INTS4: variants seen among roughly 807,000 people sequenced by gnomAD.
The protein encoded by INTS4 is MSTP093.
In INTS4, 70 loss-of-function variants were observed where a neutral mutation model predicts 119.5. The ratio of observed to expected loss-of-function variants is 0.59; its 90% confidence interval spans 0.48 to 0.71. INTS4 has a LOEUF of 0.71. INTS4 is among the 30% of genes least tolerant of loss of function. The probability of loss-of-function intolerance (pLI) is 0.00; values close to 1 mark genes in which losing one functional copy is unlikely to be tolerated. For synonymous variants in INTS4, 316 were observed against 419.6 expected (o/e 0.75, Z 3.02); for missense variants, 867 against 1,173.2 (o/e 0.74, Z 3.81).
intron 8 of INTS4, among the ~76,000 whole-genome samples, chr11:77,954,033 C>T (rs950330569): frequency 1.3e-5 from 2 of 151,540 alleles, no homozygotes; most frequent in Admixed American, 6.6e-5. Flanking sequence ...AGGATGGTCT[C>T]GATCTCTTGA....
chr11:77,878,498 G>C (rs1385639075), downstream of INTS4, among the ~76,000 whole-genome samples: 2 of 152,044 alleles, frequency 1.3e-5, no homozygotes, highest in Non-Finnish European at 2.9e-5. Context: ...TTCAGCAACT[G>C]TCAATGGTAA....
chr11:77,931,258 G>C (rs1953641838), intron 10 of INTS4, among the ~76,000 whole-genome samples: 1 of 152,190 alleles, frequency 6.6e-6, no homozygotes, highest in African/African-American at 2.4e-5. Flanking sequence ...CAAAAAGGAG[G>C]GAGAAGATGG....
At position 77,891,580 on chromosome 11, in the gene INTS4, C is replaced by T. The variant is rs569970123; in HGVS notation, c.2448+101G>A. 13 of 1,565,122 alleles carry T rather than the reference C, an allele frequency of 8.3e-6. No homozygotes were observed. In the South Asian group the frequency reaches 9.4e-5, roughly 11 times the overall value. Reference sequence around the variant, plus strand: ...GGCATGTGGGAGCCACTCAGAGGAACAGCCTAGCCCAGCTGCTCCACTGGT... The same window carrying T: ...GGCATGTGGGAGCCACTCAGAGGAATAGCCTAGCCCAGCTGCTCCACTGGT... On this transcript the variant is annotated intron_variant, in intron 20 of 22. Coordinates refer to ENST00000534064, the MANE Select transcript of INTS4 (RefSeq NM_033547.4).
At chr11:77,977,605 T>A (rs944384400) in intron 4 of INTS4, among the ~76,000 whole-genome samples, 3 of 151,714 alleles carry the variant, frequency 2.0e-5, no homozygotes, top group African/African-American at 7.2e-5. Flanking sequence ...GGTACTGAAT[T>A]ATGAATGCAT....
intron 22 of INTS4, among the ~76,000 whole-genome samples, chr11:77,880,364 A>G (rs898723843): frequency 6.6e-6 from 1 of 152,168 alleles, no homozygotes; most frequent in African/African-American, 2.4e-5. Flanking sequence ...CAGTCAGCCC[A>G]AGGCCAGAGC....
intron 6 of INTS4, among the ~76,000 whole-genome samples, 192 bp downstream of exon 6, chr11:77,960,149 G>A (rs532733148): frequency 6.6e-6 from 1 of 151,926 alleles, no homozygotes; most frequent in Non-Finnish European, 1.5e-5. Context: ...ATGTACTAGC[G>A]CTATTTAATT....
At chr11:77,968,024 T>C (rs1055958165) in intron 4 of INTS4, among the ~76,000 whole-genome samples, 1 of 152,200 alleles carries the variant, frequency 6.6e-6, no homozygotes, top group African/African-American at 2.4e-5. Context: ...TCCTAGGCTA[T>C]AAACCTGTAC....
intron 18 of INTS4, among the ~76,000 whole-genome samples, chr11:77,898,445 AG>A (rs1412413908): frequency 6.6e-6 from 1 of 152,206 alleles, no homozygotes; most frequent in African/African-American, 2.4e-5. Flanking sequence ...TACAGGCGTG[AG>A]CCACTGCGCC....
chr11:77,913,406 G>A (rs960979264), intron 15 of INTS4, among the ~76,000 whole-genome samples: 58 of 149,644 alleles, frequency 3.9e-4, no homozygotes, highest in African/African-American at 5.7e-4. Context: ...CTGCCTCCCA[G>A]GTTCGCACCA....
At chr11:77,980,405 C>T (rs999113549) in intron 3 of INTS4, among the ~76,000 whole-genome samples, 2 of 152,028 alleles carry the variant, frequency 1.3e-5, no homozygotes, top group Non-Finnish European at 2.9e-5. Context: ...TTTGAGACAG[C>T]GTCTCGCTCT....
At chr11:77,955,509 T>C (rs1954296742) in intron 8 of INTS4, among the ~76,000 whole-genome samples, 1 of 151,768 alleles carries the variant, frequency 6.6e-6, no homozygotes, top group Admixed American at 6.6e-5. Context: ...TTTTTTTTTT[T>C]TTTGAGATGA....
chr11:77,985,083 A>C (rs1482747701), intron 2 of INTS4, among the ~76,000 whole-genome samples: 5 of 152,176 alleles, frequency 3.3e-5, no homozygotes, highest in Non-Finnish European at 5.9e-5. Context: ...AATTACCTCC[A>C]GGGAAGCCTT....
chr11:77,925,026 C>A, intron 11 of INTS4, 134 bp from the exon 12 acceptor site: 1 of 568,786 alleles, frequency 1.8e-6, no homozygotes, highest in Non-Finnish European at 3.1e-6. Context: ...AGTTTTTTAG[C>A]TGAAATTCCT....
At chr11:77,972,803 AGATTTAT>A (rs555257762) in intron 4 of INTS4, among the ~76,000 whole-genome samples, 6 of 148,714 alleles carry the variant, frequency 4.0e-5, no homozygotes, top group Non-Finnish European at 5.9e-5. Flanking sequence ...TTCTTTTGTT[AGATTTAT>A]TCATAAGTTT....
intron 8 of INTS4, among the ~76,000 whole-genome samples, chr11:77,941,699 T>C (rs1591085003): frequency 1.3e-5 from 2 of 152,208 alleles, no homozygotes; most frequent in East Asian, 1.9e-4. Flanking sequence ...AGAGACGGGG[T>C]TTCACCACGT....
chr11:77,936,010 C>A (rs1953782512), intron 10 of INTS4, among the ~76,000 whole-genome samples: 1 of 151,588 alleles, frequency 6.6e-6, no homozygotes, highest in Non-Finnish European at 1.5e-5. Context: ...TCTAATCCTG[C>A]CTAACAAAGT....
chr11:77,990,236 T>C (rs1183647341), intron 2 of INTS4, among the ~76,000 whole-genome samples: 5 of 106,176 alleles, frequency 4.7e-5, no homozygotes, highest in Non-Finnish European at 7.9e-5. Flanking sequence ...AAAAAAAAAA[T>C]GCAAAACTTA....
At position 77,921,465 on chromosome 11, in the gene INTS4, C is replaced by G. The variant is rs752446607; in HGVS notation, c.1639G>C (p.Val547Leu). 3.7e-6 allele frequency: 6 copies of G among 1,605,416 alleles called. No homozygotes were observed. The South Asian group carries it at 6.6e-5, about 18-fold the overall frequency. The change falls in exon 14 of 23, where the codon GTT (valine) becomes CTT (leucine). Residue 547 changes from valine (V) to leucine (L), a missense_variant. Physicochemically the swap from Val to Leu is conservative, Grantham distance 32. Transcript: ENST00000534064. Reference protein sequence around the residue: ...PDMDDPAYIAVLVLIFNAAKT... With the variant: ...PDMDDPAYIALLVLIFNAAKT... ...GCAGCATTGAAAATAAGTACCAAAA[C>G]TGCAATATCTGATAGATGACTGGGT...
intron 11 of INTS4, among the ~76,000 whole-genome samples, chr11:77,927,887 T>C (rs1419501439): frequency 6.6e-6 from 1 of 152,206 alleles, no homozygotes. Context: ...TTCTGTCTTA[T>C]CTCTGCATCT....
Sources: allele counts gnomAD v4.1 joint callset (sites outside exome capture counted in the v4.1 genomes callset), GRCh38; gene constraint gnomAD v4.1.1; transcripts MANE v1.5; gene names NCBI Gene and HGNC (gene_info 2026-07-23, HGNC 2026-07-21).